Variants in FAT3 observed in about 807,000 individuals in gnomAD.
The protein encoded by FAT3 is protocadherin Fat 3.
A neutral mutation model predicts 310.2 loss-of-function variants in FAT3; 95 were observed. The ratio of observed to expected loss-of-function variants is 0.31; its 90% CI spans 0.26 to 0.36. The LOEUF (loss-of-function observed/expected upper bound fraction) is 0.36. Among genes scored for constraint, FAT3 ranks in the 10% least tolerant of loss-of-function variants. The pLI, the probability that FAT3 is intolerant of heterozygous loss-of-function variation, is 1.00. For missense variants in FAT3, 5,408 were observed against 5,715.6 expected, an observed-to-expected ratio of 0.95 and a Z score of 1.74; for synonymous variants, 2,314 against 2,192.9, an observed-to-expected ratio of 1.06 and a Z score of -1.54.
At chr11:92,433,282 GA>G (rs934222860) in intron 2 of FAT3, among the ~76,000 whole-genome samples, 17 of 151,980 alleles carry the variant, frequency 1.1e-4, no homozygotes, top group Non-Finnish European at 2.2e-4. Context: ...ACTGGGGTAT[GA>G]AAAAAAACTC....
Position 92,762,153 on chromosome 11 carries a change from A to G in FAT3, c.3967A>G (p.Ser1323Gly), listed in dbSNP as rs922276807. Residue 1323 changes from serine to glycine, a missense_variant, in exon 5 of 28, where the codon AGT becomes GGT. Ser to Gly is a moderately conservative substitution (Grantham distance 56). Transcript: ENST00000525166. ...TTCTAGAAAGCAGTTTACAGCAGGCAGTTATGACATCCTAACGGTAAGATC... is the reference window on the plus strand; with the variant it reads ...TTCTAGAAAGCAGTTTACAGCAGGCGGTTATGACATCCTAACGGTAAGATC... ...VSSRKQFTAG[S>G]YDILTIKAVD... 2 of 1,611,606 alleles carry G rather than the reference A, an allele frequency of 1.2e-6. No individual in the cohort carries two copies. The highest frequency in any genetic ancestry group is 1.3e-5 in the African/African-American group (1 of 74,784).
Position 92,798,146 on chromosome 11 carries a change from T to A in FAT3, c.5133T>A (p.Asn1711Lys), listed in dbSNP as rs376410245. 4 of 1,613,878 alleles carry A rather than the reference T, an allele frequency of 2.5e-6. No individual in the cohort carries two copies. Among genetic ancestry groups the A allele is most frequent in the African/African-American group, 2.7e-5 (2 of 74,926 alleles). Reference sequence around the variant, plus strand: ...ATGAAGTCAAAGATGGAGACATTAATGGGATCTTTACCATAAATCCATATT... The same window carrying A: ...ATGAAGTCAAAGATGGAGACATTAAAGGGATCTTTACCATAAATCCATATT... ...LIYEVKDGDINGIFTINPYSG... is the reference protein window; with the variant it reads ...LIYEVKDGDIKGIFTINPYSG... Residue 1711 changes from asparagine (N) to lysine (K), a missense_variant, in exon 10 of 28, where the codon AAT becomes AAA. Transcript: ENST00000525166.
intron 3 of FAT3, among the ~76,000 whole-genome samples, chr11:92,568,058 T>G (rs555910451): frequency 6.6e-6 from 1 of 151,878 alleles, no homozygotes; most frequent in Non-Finnish European, 1.5e-5. Context: ...TAAAAAAAAA[T>G]TCATGCCATT....
intron 3 of FAT3, among the ~76,000 whole-genome samples, chr11:92,566,402 G>A (rs533948526): frequency 6.6e-6 from 1 of 152,004 alleles, no homozygotes; most frequent in African/African-American, 2.4e-5. Context: ...CAAACAAATG[G>A]AAGAACATTC....
At chr11:92,767,912 C>G (rs1946357863) in intron 6 of FAT3, among the ~76,000 whole-genome samples, 1 of 152,108 alleles carries the variant, frequency 6.6e-6, no homozygotes, top group African/African-American at 2.4e-5. Flanking sequence ...GGAACCTACT[C>G]AGAGTCAGTG....
intron 1 of FAT3, among the ~76,000 whole-genome samples, chr11:92,324,469 G>C (rs1274504752): frequency 1.3e-5 from 2 of 152,162 alleles, no homozygotes; most frequent in South Asian, 2.1e-4. Flanking sequence ...GAGAGGGAGA[G>C]AGATGGGGAA....
intron 1 of FAT3, among the ~76,000 whole-genome samples, chr11:92,312,777 C>A (rs1947344366): frequency 6.6e-6 from 1 of 152,144 alleles, no homozygotes; most frequent in Non-Finnish European, 1.5e-5. Flanking sequence ...GGATGCAAAA[C>A]CATATCCATG....
intron 1 of FAT3, among the ~76,000 whole-genome samples, chr11:92,301,525 C>T (rs1392139046): frequency 6.6e-6 from 1 of 152,066 alleles, no homozygotes; most frequent in African/African-American, 2.4e-5. Context: ...CACCTTTACA[C>T]TTTGATTATC....
chr11:92,824,167 G>A lies in FAT3; in HGVS notation c.9482-7455G>A, dbSNP rs537526448. Reference sequence around the variant, plus strand: ...AGGTCAGGAGTTTGAGACCAGCCTGGCCAACATAGTGAAACCCCATCTCTA... The same window carrying A: ...AGGTCAGGAGTTTGAGACCAGCCTGACCAACATAGTGAAACCCCATCTCTA... On this transcript the variant is annotated intron_variant, in intron 13 of 27. Transcript: ENST00000525166. 3.3e-5 allele frequency among the ~76,000 whole-genome samples: 5 copies of A among 152,192 alleles called. No individual in the cohort carries two copies. In the East Asian group the frequency reaches 9.7e-4, roughly 29 times the overall value.
chr11:92,538,044 G>T (rs1037539865), intron 3 of FAT3, among the ~76,000 whole-genome samples: 5 of 152,054 alleles, frequency 3.3e-5, no homozygotes, highest in Non-Finnish European at 2.9e-5. Context: ...GTGAAATTTT[G>T]TGGATCAAAA....
chr11:92,834,742 A>T, intron 14 of FAT3, 128 bp from the exon 15 acceptor site: 1 of 838,926 alleles, frequency 1.2e-6, no homozygotes, highest in Non-Finnish European at 1.8e-6. Context: ...GTAAGGCATT[A>T]AATAAACAAA....
chr11:92,756,916 A>AAT (rs1946007541), intron 4 of FAT3, among the ~76,000 whole-genome samples: 2 of 90,302 alleles, frequency 2.2e-5, no homozygotes, highest in African/African-American at 9.6e-5. Flanking sequence ...TTGTGGCTCC[A>AAT]TTTTTTTTTT....
At chr11:92,538,525 T>C (rs1184727105) in intron 3 of FAT3, among the ~76,000 whole-genome samples, 2 of 152,184 alleles carry the variant, frequency 1.3e-5, no homozygotes. Context: ...GTTATAGCTA[T>C]TATTAAATGC....
intron 10 of FAT3, 79 bp downstream of exon 10, chr11:92,801,988 G>A: frequency 7.3e-7 from 1 of 1,366,496 alleles, no homozygotes; most frequent in Non-Finnish European, 1.0e-6. Context: ...AAGAGTAAGA[G>A]AGAAGGAAGA....
chr11:92,615,858 C>A (rs748688289), intron 3 of FAT3, among the ~76,000 whole-genome samples: 1 of 152,176 alleles, frequency 6.6e-6, no homozygotes, highest in African/African-American at 2.4e-5. Context: ...GTTATAATTT[C>A]TTTTCTTTTA....
rs2136083625 is a variant in FAT3, at chr11:92,761,880, T to C, written c.3694T>C (p.Ser1232Pro). Residue 1232 changes from serine to proline, a missense_variant, in exon 5 of 28, where the codon TCT becomes CCT. Transcript: ENST00000525166. The stretch of plus-strand genomic sequence containing the variant: ...GGTGACTGTGACAGATGGTGGTCCC[T>C]CTCCAAAACAGTCAACCATTTGGGT... The part of the protein sequence containing the change: ...LEVTVTDGGP[S>P]PKQSTIWVVV... The C allele has an allele frequency of 6.2e-7, 1 of 1,613,686 alleles. No homozygotes were observed. The highest frequency in any genetic ancestry group is 8.5e-7 in the Non-Finnish European group (1 of 1,179,680).
At chr11:92,639,724 A>G (rs190649426) in intron 3 of FAT3, among the ~76,000 whole-genome samples, 2 of 152,218 alleles carry the variant, frequency 1.3e-5, no homozygotes, top group Admixed American at 1.3e-4. Context: ...TGTGATTTTC[A>G]TCCTTTACTA....
intron 13 of FAT3, among the ~76,000 whole-genome samples, chr11:92,813,976 C>G (rs1292851365): frequency 3.9e-5 from 6 of 152,156 alleles, no homozygotes; most frequent in Admixed American, 1.3e-4. Context: ...CCTGAGGGCT[C>G]TTCAGTGCCC....
intron 2 of FAT3, among the ~76,000 whole-genome samples, chr11:92,474,510 G>A (rs1241028723): frequency 6.6e-6 from 1 of 152,136 alleles, no homozygotes; most frequent in South Asian, 2.1e-4. Context: ...GGGCATACAG[G>A]AAGGGGAAGG....
Sources: allele counts gnomAD v4.1 joint callset (sites outside exome capture counted in the v4.1 genomes callset), GRCh38; gene constraint gnomAD v4.1.1; transcripts MANE v1.5; gene names NCBI Gene and HGNC (gene_info 2026-07-23, HGNC 2026-07-21).